Variants in FAM133B observed in about 807,000 individuals in gnomAD.
FAM133B encodes the protein family with sequence similarity 133 member B.
In FAM133B, 25 loss-of-function variants were observed where a neutral mutation model predicts 46.4. The observed-to-expected ratio is 0.54, with a 90% CI of 0.39 to 0.75. The LOEUF (loss-of-function observed/expected upper bound fraction) is 0.75, where lower values mean the gene tolerates loss of function less well. FAM133B is among the 30% of genes least tolerant of loss of function. The probability of loss-of-function intolerance (pLI) is 0.00; values close to 1 mark genes in which losing one functional copy is unlikely to be tolerated. For missense variants in FAM133B, 205 were observed against 277.6 expected, an observed-to-expected ratio of 0.74 and a Z score of 1.86; for synonymous variants, 75 against 86.0, an observed-to-expected ratio of 0.87 and a Z score of 0.71.
intron 2 of FAM133B, among the ~76,000 whole-genome samples, chr7:92,581,200 C>G (rs1337124473): frequency 6.6e-6 from 1 of 152,232 alleles, no homozygotes; most frequent in East Asian, 1.9e-4. Context: ...AAGGACAAGA[C>G]TACTTAAACT....
At chr7:92,573,874 A>C (rs773103198) in intron 8 of FAM133B, among the ~76,000 whole-genome samples, 1 of 151,768 alleles carries the variant, frequency 6.6e-6, no homozygotes, top group Non-Finnish European at 1.5e-5. Flanking sequence ...TTTTAAATTA[A>C]ATTTTATTTT....
intron 7 of FAM133B, 50 bp downstream of exon 7, chr7:92,577,053 C>A: frequency 1.7e-6 from 2 of 1,192,368 alleles, no homozygotes; most frequent in Non-Finnish European, 2.3e-6. Context: ...GGCAGAAAAA[C>A]TTAATTAAAT....
In FAM133B at chr7:92,560,869, C is replaced by T. The variant is rs978680481; in HGVS notation, c.*1413G>A. The T allele has an allele frequency of 6.6e-6, 1 of 152,538 alleles. No homozygotes were observed. Among genetic ancestry groups the T allele is most frequent in the African/African-American group, 2.4e-5 (1 of 41,430 alleles). 9.4% of individuals were successfully genotyped at this position (152,538 alleles called of 1,614,324 possible). On this transcript the variant is annotated 3_prime_UTR_variant, in exon 11 of 11. Transcript: ENST00000445716. ...TGTGCATATACCACTATAATTAGCA[C>T]ACCCTTTGTAACAGGCAAAATTGTA...
intron 10 of FAM133B, among the ~76,000 whole-genome samples, chr7:92,563,159 A>C (rs1408350469): frequency 6.6e-6 from 1 of 152,180 alleles, no homozygotes; most frequent in African/African-American, 2.4e-5. Flanking sequence ...GAAAAGCAAA[A>C]AAGAAGAGAC....
chr7:92,587,885 T>C (rs906060415), intron 1 of FAM133B, among the ~76,000 whole-genome samples: 1 of 152,122 alleles, frequency 6.6e-6, no homozygotes, highest in Non-Finnish European at 1.5e-5. Context: ...AGGATGTTCA[T>C]AATGGGGAGG....
At position 92,565,281 on chromosome 7, in the gene FAM133B, G is replaced by A. The variant is rs1271622253; in HGVS notation, c.657+733C>T. On this transcript the variant is annotated intron_variant, in intron 10 of 10. Transcript: ENST00000445716. ...TTCTCCTGCCTCAGCCTCCCGAATA[G>A]CTGGATTACAGGCGCCCGCCACCAC... Among the ~76,000 whole-genome samples, 10 of 150,696 alleles carry A rather than the reference G, an allele frequency of 6.6e-5. No homozygotes were observed. The East Asian group carries it at 1.9e-3, about 29-fold the overall frequency.
At chr7:92,582,283 CATAACATAACATAACATAAATAACATAAA>C (rs1190341305) in intron 1 of FAM133B, among the ~76,000 whole-genome samples, 1 of 138,426 alleles carries the variant, frequency 7.2e-6, no homozygotes, top group African/African-American at 3.1e-5. Flanking sequence ...CATAACATAA[CATAACATAACATAACATAAATAACATAAA>C]ATAACATAAC....
intron 1 of FAM133B, among the ~76,000 whole-genome samples, chr7:92,582,968 T>C (rs1794932123): frequency 6.6e-6 from 1 of 152,178 alleles, no homozygotes; most frequent in South Asian, 2.1e-4. Context: ...CATGATCCTA[T>C]ATCTAGGTAT....
At chr7:92,567,479 G>A (rs1794389480) in intron 9 of FAM133B, among the ~76,000 whole-genome samples, 2 of 152,152 alleles carry the variant, frequency 1.3e-5, no homozygotes, top group African/African-American at 4.8e-5. Context: ...AAGGAAGCAT[G>A]AGGACTAAAA....
intron 7 of FAM133B, among the ~76,000 whole-genome samples, 156 bp downstream of exon 7, chr7:92,576,947 C>A (rs970826711): frequency 1.3e-5 from 2 of 152,068 alleles, no homozygotes; most frequent in Non-Finnish European, 2.9e-5. Flanking sequence ...TATTAAATGT[C>A]ACATGCAAGA....
intron 1 of FAM133B, among the ~76,000 whole-genome samples, chr7:92,584,793 C>T (rs906652050): frequency 2.0e-5 from 3 of 152,106 alleles, no homozygotes; most frequent in East Asian, 1.9e-4. Flanking sequence ...CTTAGTTCAC[C>T]GTTTGTAAAA....
intron 1 of FAM133B, among the ~76,000 whole-genome samples, chr7:92,587,925 G>A (rs192723839): frequency 6.6e-6 from 1 of 152,042 alleles, no homozygotes; most frequent in African/African-American, 2.4e-5. Flanking sequence ...GGAGGTAAAC[G>A]GGATATCTTT....
At position 92,579,497 on chromosome 7, in the gene FAM133B, A is replaced by G. The variant is rs566886319; in HGVS notation, c.123-102T>C. 6.8e-6 allele frequency: 5 copies of G among 736,374 alleles called. No individual in the cohort carries two copies. In the African/African-American group the frequency reaches 9.0e-5, roughly 13 times the overall value. The allele number at this position is 736,374 out of a possible 1,614,324, so 45.6% of individuals were successfully genotyped here. On this transcript the variant is annotated intron_variant, in intron 2 of 10. Transcript: ENST00000445716. ...TTCATAAACTCTTCTAAATATTCTA[A>G]TAGACTTCTATTCAATGTTGGTAAC... is the stretch of plus-strand genomic sequence containing the variant.
intron 10 of FAM133B, among the ~76,000 whole-genome samples, chr7:92,563,175 A>C (rs1794212078): frequency 6.6e-6 from 1 of 152,202 alleles, no homozygotes; most frequent in African/African-American, 2.4e-5. Context: ...GAGACCTATA[A>C]GGATGGTAAC....
rs1562886814 is a variant in FAM133B at position 92,562,348 on chromosome 7, C to G, written c.678G>C (p.Lys226Asn). Residue 226 changes from lysine to asparagine, a missense_variant, in exon 11 of 11, where the codon AAG becomes AAC. Physicochemically the swap from Lys to Asn is moderately conservative, Grantham distance 94 (BLOSUM62 0). Coordinates refer to ENST00000445716, the MANE Select transcript of FAM133B (RefSeq NM_152789.4). Reference sequence around the variant, plus strand: ...TCTTCTTACTGTGTTTCTTATGCTTCTTTTTCTTTTTTGTTTTTTCCTGTA... The same window carrying G: ...TCTTCTTACTGTGTTTCTTATGCTTGTTTTTCTTTTTTGTTTTTTCCTGTA... ...EKATEKTKKKKKHKKHSKKKK... is the reference protein window; with the variant it reads ...EKATEKTKKKNKHKKHSKKKK... The G allele has an allele frequency of 6.5e-7, 1 of 1,533,092 alleles. No homozygotes were observed. Among genetic ancestry groups the G allele is most frequent in the Non-Finnish European group, 8.7e-7 (1 of 1,145,050 alleles). 95.0% of individuals were successfully genotyped at this position (1,533,092 alleles called of 1,614,324 possible). A position where few individuals can be genotyped will look rare whatever the true frequency, so the allele number is the denominator to read the frequency against.
At chr7:92,579,440 T>G in intron 2 of FAM133B, 45 bp from the exon 3 acceptor site, 1 of 1,366,370 alleles carries the variant, frequency 7.3e-7, no homozygotes. Flanking sequence ...CAATTCAAAT[T>G]AGATAAATGC....
At chr7:92,570,838 G>GT (rs2116389012) in intron 8 of FAM133B, among the ~76,000 whole-genome samples, 1 of 152,250 alleles carries the variant, frequency 6.6e-6, no homozygotes, top group African/African-American at 2.4e-5. Flanking sequence ...AATGTTAAAT[G>GT]TTAACTGTAA....
At chr7:92,575,523 G>A (rs1794667067) in intron 8 of FAM133B, among the ~76,000 whole-genome samples, 1 of 152,018 alleles carries the variant, frequency 6.6e-6, no homozygotes, top group South Asian at 2.1e-4. Context: ...CTGCTAATCT[G>A]CATTATTTTG....
chr7:92,584,613 C>G (rs910067343), intron 1 of FAM133B, among the ~76,000 whole-genome samples: 4 of 152,190 alleles, frequency 2.6e-5, no homozygotes, highest in South Asian at 2.1e-4. Flanking sequence ...ATGTGGACAT[C>G]ATATGCAATG....
Sources: gnomAD v4.1 joint callset for allele counts (sites outside exome capture counted in the v4.1 genomes callset) on GRCh38, gnomAD v4.1.1 for gene constraint, MANE v1.5 for transcripts, NCBI Gene and HGNC (gene_info 2026-07-23, HGNC 2026-07-21) for gene names.